CCR6: variants seen among roughly 807,000 people sequenced by gnomAD.
The protein encoded by CCR6 is C-C chemokine receptor type 6.
In CCR6, 2 loss-of-function variants were observed where a neutral mutation model predicts 3.0. The ratio of observed to expected loss-of-function variants is 0.66; its 90% CI spans 0.27 to 2.07. CCR6 has a LOEUF of 2.07. Among genes scored for constraint, CCR6 ranks in the 30% most tolerant of loss-of-function variants. The pLI is 0.14. For missense variants in CCR6, 322 were observed against 462.8 expected (o/e 0.70, Z 2.79); for synonymous variants, 193 against 184.3 (o/e 1.05, Z -0.38).
chr6:167,112,920 T>C (rs1467236558), intron 1 of CCR6, among the ~76,000 whole-genome samples: 1 of 151,988 alleles, frequency 6.6e-6, no homozygotes, highest in African/African-American at 2.4e-5. Flanking sequence ...GATAGCATTG[T>C]CTCCCAAGTG....
chr6:167,117,546 A>G (rs553917316), intron 1 of CCR6, among the ~76,000 whole-genome samples: 1 of 149,634 alleles, frequency 6.7e-6, no homozygotes, highest in Non-Finnish European at 1.5e-5. Flanking sequence ...CCTCCCGAGT[A>G]GCTGGGACTA....
rs1255790825 is a variant in CCR6, at chr6:167,133,926, ATG to A, written c.-97-2106_-97-2105del. Among the ~76,000 whole-genome samples the A allele has an allele frequency of 2.6e-3, 172 of 66,730 alleles. 5 individuals are homozygous for A. The highest frequency in any genetic ancestry group is 9.3e-3 in the Middle Eastern group (1 of 108). 43.8% of individuals were successfully genotyped at this position (66,730 alleles called of 152,430 possible). On this transcript the variant is annotated intron_variant, in intron 1 of 2. Transcript: ENST00000341935. ...TTATTGATACTATTATATATGATATATGTGTGTATATATATATATATATATAT... is the reference window on the plus strand; with the variant it reads ...TTATTGATACTATTATATATGATATATGTGTATATATATATATATATATAT...
chr6:167,117,025 T>C (rs1781503878), intron 1 of CCR6: 1 of 152,336 alleles, frequency 6.6e-6, no homozygotes, highest in South Asian at 2.1e-4. Flanking sequence ...CGTCCTCCTG[T>C]GGCGGGAGAG....
In CCR6 at chr6:167,131,800, C is replaced by T. The variant is rs1781771404; in HGVS notation, c.-97-4238C>T. On this transcript the variant is annotated intron_variant, in intron 1 of 2. Coordinates refer to ENST00000341935, the MANE Select transcript of CCR6 (RefSeq NM_031409.4). ...CTAAGTGTCTGTTCCAACACATTTG[C>T]GCGGAAGAGTACGCAGGTACTTTTA... Among the ~76,000 whole-genome samples the T allele has an allele frequency of 2.6e-5, 4 of 152,160 alleles. No individual in the cohort carries two copies. The South Asian group carries it at 6.2e-4, about 24-fold the overall frequency.
upstream of CCR6, among the ~76,000 whole-genome samples, chr6:167,118,210 C>T (rs1245308589): frequency 1.3e-5 from 2 of 152,200 alleles, no homozygotes; most frequent in African/African-American, 4.8e-5. Flanking sequence ...CGACAACAAT[C>T]ATAATTACAA....
At chr6:167,116,450 C>G (rs934157599) in intron 1 of CCR6, among the ~76,000 whole-genome samples, 1 of 152,212 alleles carries the variant, frequency 6.6e-6, no homozygotes, top group Admixed American at 6.5e-5. Flanking sequence ...TGAGGCCCTC[C>G]TCTCAGCCCA....
upstream of CCR6, among the ~76,000 whole-genome samples, chr6:167,120,671 G>A (rs535774553): frequency 6.6e-6 from 1 of 152,280 alleles, no homozygotes; most frequent in Non-Finnish European, 1.5e-5. Flanking sequence ...ACTGTCCCTG[G>A]CTTTTCTTAG....
chr6:167,135,901 T>A, intron 1 of CCR6, 137 bp from the exon 2 acceptor site: 1 of 521,944 alleles, frequency 1.9e-6, no homozygotes, highest in Admixed American at 3.7e-5. Flanking sequence ...TGATGCCTAT[T>A]CTCAATGAAT....
At chr6:167,131,839 G>A (rs1390476040) in intron 1 of CCR6, among the ~76,000 whole-genome samples, 2 of 152,290 alleles carry the variant, frequency 1.3e-5, no homozygotes, top group African/African-American at 4.8e-5. Flanking sequence ...TAACTTTATT[G>A]AGGCTAATTT....
intron 1 of CCR6, among the ~76,000 whole-genome samples, chr6:167,133,932 G>GTGTGTATATATATATATATATATA (rs1183741225): frequency 2.7e-5 from 3 of 110,336 alleles, no homozygotes; most frequent in African/African-American, 4.4e-5. Context: ...ATATATGTGT[G>GTGTGTATATATATATATATATATA]TATATATATA....
At chr6:167,133,368 C>G (rs1303380584) in intron 1 of CCR6, among the ~76,000 whole-genome samples, 1 of 152,142 alleles carries the variant, frequency 6.6e-6, no homozygotes, top group Non-Finnish European at 1.5e-5. Flanking sequence ...CTGTTCTTTT[C>G]CCATTGAGTT....
In CCR6 at chr6:167,138,399, G is replaced by A. The variant is rs1781882666; in HGVS notation, c.*1044G>A. 6.6e-6 allele frequency: 1 copy of A among 151,846 alleles called. No individual in the cohort carries two copies. Among genetic ancestry groups the A allele is most frequent in the African/African-American group, 2.4e-5 (1 of 41,204 alleles). 9.4% of individuals were successfully genotyped at this position (151,846 alleles called of 1,614,324 possible). On this transcript the variant is annotated 3_prime_UTR_variant, in exon 3 of 3. Coordinates refer to ENST00000341935, the MANE Select transcript of CCR6 (RefSeq NM_031409.4). ...CTTTAATGTGGTTGAAGAGCAATGT[G>A]TGGCTGAAGACTTTTGTTATGAGGA...
upstream of CCR6, among the ~76,000 whole-genome samples, chr6:167,121,206 C>T (rs1023669480): frequency 6.6e-6 from 1 of 152,240 alleles, no homozygotes; most frequent in Non-Finnish European, 1.5e-5. Context: ...TCTCTTTGTT[C>T]TGCAAGGAAG....
intron 1 of CCR6, among the ~76,000 whole-genome samples, chr6:167,129,125 G>A (rs974230366): frequency 1.3e-5 from 2 of 152,306 alleles, no homozygotes; most frequent in African/African-American, 2.4e-5. Context: ...TGTCCATAGG[G>A]CCTTGTGCCA....
At chr6:167,128,992 TATTA>T (rs1392114217) in intron 1 of CCR6, among the ~76,000 whole-genome samples, 8 of 152,250 alleles carry the variant, frequency 5.3e-5, no homozygotes, top group African/African-American at 1.4e-4. Flanking sequence ...TCATCCAATA[TATTA>T]ATTATCTTTT....
chr6:167,114,235 C>T (rs1394971133), intron 1 of CCR6, among the ~76,000 whole-genome samples: 1 of 152,234 alleles, frequency 6.6e-6, no homozygotes, highest in East Asian at 1.9e-4. Flanking sequence ...CCTCCCTGTG[C>T]TGTCCCCACC....
chr6:167,130,952 T>A (rs1215232196), intron 1 of CCR6, among the ~76,000 whole-genome samples: 2 of 143,188 alleles, frequency 1.4e-5, no homozygotes, highest in Non-Finnish European at 3.1e-5. Context: ...CCCCCCTCCC[T>A]CCGGGACTCC....
At chr6:167,120,355 G>A (rs988255158), upstream of CCR6, among the ~76,000 whole-genome samples, 3 of 152,174 alleles carry the variant, frequency 2.0e-5, no homozygotes, top group African/African-American at 7.2e-5. Context: ...TTACTTTAGG[G>A]GTTAACAAAG....
intron 1 of CCR6, among the ~76,000 whole-genome samples, chr6:167,114,725 T>C (rs1781468228): frequency 6.6e-6 from 1 of 152,176 alleles, no homozygotes; most frequent in South Asian, 2.1e-4. Flanking sequence ...AGTTTATAAG[T>C]CAGTGAGGCT....
Sources: allele counts gnomAD v4.1 joint callset (sites outside exome capture counted in the v4.1 genomes callset), GRCh38; gene constraint gnomAD v4.1.1; transcripts MANE v1.5; gene names NCBI Gene and HGNC (gene_info 2026-07-23, HGNC 2026-07-21).